ACP3: variants seen among roughly 807,000 people sequenced by gnomAD.
ACP3 encodes the protein prostatic acid phosphatase.
A neutral mutation model predicts 45.6 loss-of-function variants in ACP3; 38 were observed. The ratio of observed to expected loss-of-function variants is 0.83; its 90% confidence interval spans 0.64 to 1.09. The LOEUF (loss-of-function observed/expected upper bound fraction) is 1.09, where lower values mean the gene tolerates loss of function less well. ACP3 is among the 50% of genes least tolerant of loss of function. The probability of loss-of-function intolerance (pLI) is 0.00; values close to 1 mark genes in which losing one functional copy is unlikely to be tolerated. For missense variants in ACP3, 466 were observed against 463.2 expected (o/e 1.01, Z -0.05); for synonymous variants, 162 against 164.7 (o/e 0.98, Z 0.13).
At chr3:132,365,615 A>G (rs934592870) in intron 10 of ACP3, among the ~76,000 whole-genome samples, 5 of 152,174 alleles carry the variant, frequency 3.3e-5, no homozygotes, top group Non-Finnish European at 5.9e-5. Context: ...TGAGATGAGC[A>G]TTCATTGCAG....
chr3:132,330,446 A>G (rs1937380240), intron 2 of ACP3, among the ~76,000 whole-genome samples: 1 of 152,170 alleles, frequency 6.6e-6, no homozygotes, highest in Non-Finnish European at 1.5e-5. Context: ...AGTGAACCAT[A>G]AACTTTGGAA....
rs747330163 is a variant in ACP3 at position 132,352,739 on chromosome 3, GC to G, written c.886del (p.Leu296TyrfsTer5). On this transcript the variant is annotated frameshift_variant, in exon 9 of 10. Coordinates refer to ENST00000336375, the MANE Select transcript of ACP3 (RefSeq NM_001099.5). LOFTEE classifies it high-confidence loss of function. ...MYSAHDTTVS[G>X]LQMALDVYNG... Reference sequence around the variant, plus strand: ...CTGTAGCATGACACTACTGTGAGTGGCCTACAGATGGCGCTAGATGTTTACA... The same window carrying G: ...CTGTAGCATGACACTACTGTGAGTGGCTACAGATGGCGCTAGATGTTTACA... 1 of 1,612,680 alleles carries G rather than the reference GC, an allele frequency of 6.2e-7. No homozygotes were observed. Among genetic ancestry groups the G allele is most frequent in the South Asian group, 1.1e-5 (1 of 91,032 alleles).
chr3:132,344,833 C>T, intron 6 of ACP3, 94 bp from the exon 7 acceptor site: 2 of 1,414,620 alleles, frequency 1.4e-6, no homozygotes. Flanking sequence ...AAAGTCTGGC[C>T]CTACTAGTTC....
intron 9 of ACP3, among the ~76,000 whole-genome samples, chr3:132,356,296 A>G (rs1196050778): frequency 6.6e-6 from 1 of 152,168 alleles, no homozygotes; most frequent in Non-Finnish European, 1.5e-5. Context: ...AGAAAAAGAA[A>G]AAAAGGAGCA....
At position 132,358,215 on chromosome 3, in the gene ACP3, G is replaced by A. The variant is rs1937960543; in HGVS notation, c.*1337G>A. ...AAGACCAGCCTGGTCAACATAGTGA[G>A]ACACTGTCTCTACCAAAAAAAGGAA... On this transcript the variant is annotated 3_prime_UTR_variant, in exon 10 of 10. Coordinates refer to ENST00000336375, the MANE Select transcript of ACP3 (RefSeq NM_001099.5). 4 of 1,103,106 alleles carry A rather than the reference G, an allele frequency of 3.6e-6. No individual in the cohort carries two copies. Among genetic ancestry groups the A allele is most frequent in the Non-Finnish European group, 4.5e-6 (4 of 892,094 alleles). The allele number at this position is 1,103,106 out of a possible 1,614,324, so 68.3% of individuals were successfully genotyped here. A position where few individuals can be genotyped will look rare whatever the true frequency, so the allele number is the denominator to read the frequency against.
chr3:132,318,532 G>T, intron 1 of ACP3, among the ~76,000 whole-genome samples: 1 of 149,900 alleles, frequency 6.7e-6, no homozygotes. Context: ...GATATTCAAA[G>T]CTCTTTACTT....
intron 2 of ACP3, among the ~76,000 whole-genome samples, chr3:132,330,308 T>C (rs1937377827): frequency 6.6e-6 from 1 of 152,124 alleles, no homozygotes. Context: ...TGTCTAGGTA[T>C]TTTTAATCTG....
intron 1 of ACP3, 43 bp downstream of exon 1, chr3:132,317,619 C>T: frequency 6.3e-7 from 1 of 1,587,000 alleles, no homozygotes; most frequent in South Asian, 1.2e-5. Flanking sequence ...AAACTGTGTT[C>T]CCAGCAAAGT....
intron 1 of ACP3, 116 bp downstream of exon 1, chr3:132,317,692 T>C: frequency 1.7e-6 from 2 of 1,170,286 alleles, no homozygotes; most frequent in Non-Finnish European, 2.3e-6. Flanking sequence ...CCAGGCTCTG[T>C]TCAAACTCAG....
intron 2 of ACP3, 47 bp downstream of exon 2, chr3:132,328,409 T>G: frequency 1.3e-6 from 2 of 1,526,352 alleles, no homozygotes; most frequent in Non-Finnish European, 9.1e-7. Context: ...CTGGGTGTGG[T>G]GGCTCACGCC....
chr3:132,337,060 TGG>T (rs1187163551), intron 4 of ACP3, among the ~76,000 whole-genome samples: 7 of 136,696 alleles, frequency 5.1e-5, no homozygotes, highest in African/African-American at 2.1e-4. Flanking sequence ...ATACATGCGT[TGG>T]GGTGTGTGTG....
In ACP3 at chr3:132,332,468, A is replaced by C. The variant is rs976641450; in HGVS notation, c.456+124A>C. 3 of 1,135,982 alleles carry C rather than the reference A, an allele frequency of 2.6e-6. No individual in the cohort carries two copies. The African/African-American group carries it at 4.7e-5, about 18-fold the overall frequency. The allele number at this position is 1,135,982 out of a possible 1,614,324, so 70.4% of individuals were successfully genotyped here. A position where few individuals can be genotyped will look rare whatever the true frequency, so the allele number is the denominator to read the frequency against. ...AGCTGTGCAGTTTTAATTCTTTCTT[A>C]AATAAAGATACAAAGGACAATTTAG... On this transcript the variant is annotated intron_variant, in intron 4 of 9. Coordinates refer to ENST00000336375, the MANE Select transcript of ACP3 (RefSeq NM_001099.5).
intron 1 of ACP3, among the ~76,000 whole-genome samples, chr3:132,321,957 GC>G (rs1481130531): frequency 6.6e-6 from 1 of 152,120 alleles, no homozygotes; most frequent in African/African-American, 2.4e-5. Flanking sequence ...TATACTGATG[GC>G]TTTACATATA....
At chr3:132,365,412 T>C (rs565650686) in intron 10 of ACP3, among the ~76,000 whole-genome samples, 4 of 152,256 alleles carry the variant, frequency 2.6e-5, no homozygotes, top group African/African-American at 7.2e-5. Flanking sequence ...ATTCAGGCCA[T>C]GATAACAGGT....
chr3:132,367,025 A>C (rs1022037485), intron 10 of ACP3, among the ~76,000 whole-genome samples: 4 of 152,226 alleles, frequency 2.6e-5, no homozygotes, highest in African/African-American at 9.6e-5. Flanking sequence ...ATGAAAAGAC[A>C]TACATTTAGA....
At chr3:132,359,944 T>C (rs1938008983), downstream of ACP3, among the ~76,000 whole-genome samples, 1 of 152,196 alleles carries the variant, frequency 6.6e-6, no homozygotes, top group African/African-American at 2.4e-5. Flanking sequence ...TTTGGGCTCA[T>C]AGAAAGTTTG....
At chr3:132,350,304 A>T (rs3816530) in intron 8 of ACP3, among the ~76,000 whole-genome samples, 47,892 of 152,040 alleles carry the variant, frequency 0.31, 7,722 homozygotes, top group East Asian at 0.33. Context: ...AGAGAAGCAG[A>T]AAGGCTTCCT....
Position 132,357,275 on chromosome 3 carries a change from C to G in ACP3, c.*397C>G, listed in dbSNP as rs919984804. On this transcript the variant is annotated 3_prime_UTR_variant, in exon 10 of 10. Coordinates refer to ENST00000336375, the MANE Select transcript of ACP3 (RefSeq NM_001099.5). Reference sequence around the variant, plus strand: ...TGTTCTTTAAATGTCTGAAATGGAACAGATTTCAAAAAAAAACCCCACAAT... The same window carrying G: ...TGTTCTTTAAATGTCTGAAATGGAAGAGATTTCAAAAAAAAACCCCACAAT... 14 of 986,684 alleles carry G rather than the reference C, an allele frequency of 1.4e-5. No individual in the cohort carries two copies. The highest frequency in any genetic ancestry group is 6.1e-5 in the Admixed American group (1 of 16,312). The allele number at this position is 986,684 out of a possible 1,614,324, so 61.1% of individuals were successfully genotyped here.
intron 10 of ACP3, among the ~76,000 whole-genome samples, chr3:132,366,446 T>C (rs529549972): frequency 1.3e-5 from 2 of 152,270 alleles, no homozygotes; most frequent in Middle Eastern, 3.4e-3. Flanking sequence ...TTGGGATATA[T>C]TTTTCAGTAA....
Sources: allele counts gnomAD v4.1 joint callset (sites outside exome capture counted in the v4.1 genomes callset), GRCh38; gene constraint gnomAD v4.1.1; transcripts MANE v1.5; gene names NCBI Gene and HGNC (gene_info 2026-07-23, HGNC 2026-07-21).